The following FLG variants were observed in gnomAD, a reference collection of about 807,000 sequenced individuals.
The protein encoded by FLG is epidermal filaggrin.
A neutral mutation model predicts 3.8 loss-of-function variants in FLG; 6 were observed. The ratio of observed to expected loss-of-function variants is 1.60; its 90% CI spans 0.87 to 3.15. The LOEUF is 3.15. Among genes scored for constraint, FLG ranks in the 30% most tolerant of loss-of-function variants. The pLI is 0.00. For synonymous variants in FLG, 2,551 were observed against 1,931.6 expected (o/e 1.32, Z -8.41); for missense variants, 7,595 against 5,050.9 (o/e 1.50, Z -15.27).
At position 152,310,299 on chromosome 1, in the gene FLG, A is replaced by G; in HGVS notation, c.4587T>C (p.Asp1529=). The G allele has an allele frequency of 6.2e-7, 1 of 1,613,870 alleles. No individual in the cohort carries two copies. Among genetic ancestry groups the G allele is most frequent in the Admixed American group, 1.7e-5 (1 of 59,988 alleles). The change falls in exon 3 of 3, where the codon GAT becomes GAC. Residue 1529 remains aspartate (D), a synonymous_variant. Transcript: ENST00000368799. ...HSHTTPQGRS[D]ASHGQSGPRS... Reference sequence around the variant, plus strand: ...TGGGTCCTGACTGCCCATGGGAGGCATCAGACCTTCCCTGGGGTGTGGTGT... The same window carrying G: ...TGGGTCCTGACTGCCCATGGGAGGCGTCAGACCTTCCCTGGGGTGTGGTGT...
intron 1 of FLG, among the ~76,000 whole-genome samples, chr1:152,324,782 C>T (rs1195809363): frequency 6.6e-6 from 1 of 151,822 alleles, no homozygotes; most frequent in African/African-American, 2.4e-5. Flanking sequence ...TCTACTACAT[C>T]ACTCTTTTAT....
rs546349534 is a variant in FLG, at chr1:152,311,579, C to T, written c.3307G>A (p.Ala1103Thr). The T allele has an allele frequency of 7.2e-5, 116 of 1,613,928 alleles. No homozygotes were observed. The highest frequency in any genetic ancestry group is 3.6e-4 in the South Asian group (33 of 91,050). The change falls in exon 3 of 3, where the codon GCA becomes ACA. Residue 1103 changes from alanine (A) to threonine (T), a missense_variant. Ala to Thr is a moderately conservative substitution (Grantham distance 58). Transcript: ENST00000368799. ...GACCTTCCCCCTGACCAGTCACGTG[C>T]GGACTCTTGGTGGCTCTGCTGATGG... ...GPHQQSHQES[A>T]RDWSGGRSGR... is the part of the protein sequence containing the mutation.
chr1:152,316,026 A>G (rs755039634), intron 1 of FLG, among the ~76,000 whole-genome samples: 27 of 152,156 alleles, frequency 1.8e-4, no homozygotes, highest in Non-Finnish European at 3.5e-4. Flanking sequence ...ATAGCTCTTC[A>G]ATATTTAAAG....
At position 152,307,295 on chromosome 1, in the gene FLG, C is replaced by T. The variant is rs1481899213; in HGVS notation, c.7591G>A (p.Gly2531Arg). 12 of 1,613,550 alleles carry T rather than the reference C, an allele frequency of 7.4e-6. No homozygotes were observed. In the South Asian group the frequency reaches 1.1e-4, roughly 15 times the overall value. ...EQSGDGSRHS[G>R]SRHHEASSRA... is the part of the protein sequence containing the mutation. The stretch of plus-strand genomic sequence containing the variant: ...GAGGAAGCTTCATGGTGACGCGACC[C>T]TGAGTGCCTGGAGCCGTCTCCTGAT... Residue 2531 changes from glycine to arginine, a missense_variant, in exon 3 of 3, where the codon GGG becomes AGG. By Grantham distance (125) the Gly-to-Arg change is moderately radical. Coordinates refer to ENST00000368799, the MANE Select transcript of FLG (RefSeq NM_002016.2).
Position 152,309,248 on chromosome 1 carries a change from G to A in FLG, c.5638C>T (p.His1880Tyr), listed in dbSNP as rs149817134. Residue 1880 changes from histidine (H) to tyrosine (Y), a missense_variant, in exon 3 of 3, where the codon CAC becomes TAC. His to Tyr is a moderately conservative substitution (Grantham distance 83). Coordinates refer to ENST00000368799, the MANE Select transcript of FLG (RefSeq NM_002016.2). ...NEKQSGDGSR[H>Y]SGSRHHEASS... ...GCTTCATGGTGACGCGACCCTGAGTGCCTGGAGCCGTCTCCTGATTGTTTC... is the reference window on the plus strand; with the variant it reads ...GCTTCATGGTGACGCGACCCTGAGTACCTGGAGCCGTCTCCTGATTGTTTC... The A allele has an allele frequency of 1.9e-6, 3 of 1,613,760 alleles. No homozygotes were observed. Among genetic ancestry groups the A allele is most frequent in the East Asian group, 2.2e-5 (1 of 44,796 alleles).
Position 152,303,552 on chromosome 1 carries a change from T to C in FLG, c.11334A>G (p.Val3778=). 6.2e-7 allele frequency: 1 copy of C among 1,614,094 alleles called. No homozygotes were observed. The highest frequency in any genetic ancestry group is 8.5e-7 in the Non-Finnish European group (1 of 1,180,014). The change falls in exon 3 of 3, where the codon GTA becomes GTG. Residue 3778 remains valine (V), a synonymous_variant. Transcript: ENST00000368799. The part of the protein sequence containing the change: ...GRQGSYHEQS[V]DRSGHSGSHH... ...GGGACCCTGAGTGTCCAGACCTATCTACCGATTGCTCGTGGTAGGATCCCT... is the reference window on the plus strand; with the variant it reads ...GGGACCCTGAGTGTCCAGACCTATCCACCGATTGCTCGTGGTAGGATCCCT...
In FLG at chr1:152,303,563, C is replaced by A; in HGVS notation, c.11323G>T (p.Glu3775Ter). ...TGTCCAGACCTATCTACCGATTGCT[C>A]GTGGTAGGATCCCTGTCTTCCTCCT... ...RRGGRQGSYH[E>*]QSVDRSGHSG... The change falls in exon 3 of 3, where the codon GAG becomes TAG. Residue 3775 changes from glutamate (E) to a stop codon, truncating the protein, a stop_gained. Coordinates refer to ENST00000368799, the MANE Select transcript of FLG (RefSeq NM_002016.2). LOFTEE classifies it low-confidence loss of function (END_TRUNC). 2 of 1,614,032 alleles carry A rather than the reference C, an allele frequency of 1.2e-6. No homozygotes were observed. Among genetic ancestry groups the A allele is most frequent in the African/African-American group, 1.3e-5 (1 of 74,998 alleles).
chr1:152,312,121 A>G lies in FLG; in HGVS notation c.2765T>C (p.Ile922Thr), dbSNP rs201928359. The change falls in exon 3 of 3, where the codon ATC becomes ACC. Residue 922 changes from isoleucine to threonine, a missense_variant. By Grantham distance (89) the Ile-to-Thr change is moderately conservative. Coordinates refer to ENST00000368799, the MANE Select transcript of FLG (RefSeq NM_002016.2). ...CTGGCCTGCCTGTGAGTGTCTAGAG[A>G]TGTCGGCATGAGAGGAAGCTTCATG... ...RHHEASSHAD[I>T]SRHSQAGQGQ... 2.5e-6 allele frequency: 4 copies of G among 1,589,670 alleles called. No homozygotes were observed. The highest frequency in any genetic ancestry group is 3.4e-6 in the Non-Finnish European group (4 of 1,173,852).
Position 152,307,375 on chromosome 1 carries a change from G to C in FLG, c.7511C>G (p.Ser2504Cys), listed in dbSNP as rs1004469763. 1.2e-6 allele frequency: 2 copies of C among 1,613,072 alleles called. No individual in the cohort carries two copies. The highest frequency in any genetic ancestry group is 2.7e-5 in the African/African-American group (2 of 74,750). ...HTTSQGRSDA[S>C]HGHSGSRSAS... ...ACTTCTGGATCCTGAGTGCCCATGGGAGGCATCAGACCTTCCCTGGGATGT... is the reference window on the plus strand; with the variant it reads ...ACTTCTGGATCCTGAGTGCCCATGGCAGGCATCAGACCTTCCCTGGGATGT... The change falls in exon 3 of 3, where the codon TCC becomes TGC. Residue 2504 changes from serine (S) to cysteine (C), a missense_variant. By Grantham distance (112) the Ser-to-Cys change is moderately radical. Transcript: ENST00000368799.
At position 152,310,006 on chromosome 1, in the gene FLG, C is replaced by T. The variant is rs1190022037; in HGVS notation, c.4880G>A (p.Arg1627Lys). Reference sequence around the variant, plus strand: ...GGACCTGGGGTTCCTGGAGCCATGTCTTGACTGCTCCCGAGCAGATCCATA... The same window carrying T: ...GGACCTGGGGTTCCTGGAGCCATGTTTTGACTGCTCCCGAGCAGATCCATA... ...NHYGSAREQS[R>K]HGSRNPRSHQ... The change falls in exon 3 of 3, where the codon AGA becomes AAA. Residue 1627 changes from arginine (R) to lysine (K), a missense_variant. Transcript: ENST00000368799. 6.2e-7 allele frequency: 1 copy of T among 1,613,966 alleles called. No individual in the cohort carries two copies. The highest frequency in any genetic ancestry group is 1.7e-5 in the Admixed American group (1 of 59,998).
Position 152,307,590 on chromosome 1 carries a change from C to G in FLG, c.7296G>C (p.Gly2432=), listed in dbSNP as rs1411076627. ...EQSESAHGRT[G]TSTGGRQGSH... ...ATCCTTGTCTTCCTCCAGTGCTGGT[C>G]CCGGTCCGTCCATGGGCGGACTCAG... is the stretch of plus-strand genomic sequence containing the variant. Residue 2432 remains glycine, a synonymous_variant, in exon 3 of 3, where the codon GGG becomes GGC. Transcript: ENST00000368799. 2 of 1,613,658 alleles carry G rather than the reference C, an allele frequency of 1.2e-6. No individual in the cohort carries two copies. Among genetic ancestry groups the G allele is most frequent in the East Asian group, 4.5e-5 (2 of 44,788 alleles).
At position 152,312,646 on chromosome 1, in the gene FLG, G is replaced by T. The variant is rs755142336; in HGVS notation, c.2240C>A (p.Ala747Asp). 8 of 1,613,884 alleles carry T rather than the reference G, an allele frequency of 5.0e-6. No individual in the cohort carries two copies. Among genetic ancestry groups the T allele is most frequent in the Non-Finnish European group, 6.8e-6 (8 of 1,179,994 alleles). Residue 747 changes from alanine (A) to aspartate (D), a missense_variant, in exon 3 of 3, where the codon GCC becomes GAC. Transcript: ENST00000368799. ...SGHRGSSGSQ[A>D]TDSEGHSEDS... ...TTCTGAATGTCCCTCACTGTCAGTGGCCTGACTACCACTGGACCCTCGGTG... is the reference window on the plus strand; with the variant it reads ...TTCTGAATGTCCCTCACTGTCAGTGTCCTGACTACCACTGGACCCTCGGTG...
intron 2 of FLG, 103 bp downstream of exon 2, chr1:152,315,216 T>C (rs1459419161): frequency 1.2e-5 from 14 of 1,132,290 alleles, no homozygotes; most frequent in African/African-American, 1.6e-5. Flanking sequence ...ACTCTTTTCC[T>C]ATTTTAAGAG....
In FLG at chr1:152,307,504, G is replaced by C. The variant is rs1557874274; in HGVS notation, c.7382C>G (p.Thr2461Ser). 1 of 1,613,406 alleles carries C rather than the reference G, an allele frequency of 6.2e-7. No homozygotes were observed. The highest frequency in any genetic ancestry group is 8.5e-7 in the Non-Finnish European group (1 of 1,179,828). The change falls in exon 3 of 3, where the codon ACC (threonine) becomes AGC (serine). Residue 2461 changes from threonine (T) to serine (S), a missense_variant. Physicochemically the swap from Thr to Ser is moderately conservative, Grantham distance 58. Coordinates refer to ENST00000368799, the MANE Select transcript of FLG (RefSeq NM_002016.2). ...GCTTGACCCCGGGTGTCCATGAATGGTGTCCTGACCCTCTTGGGACGTTGA... is the reference window on the plus strand; with the variant it reads ...GCTTGACCCCGGGTGTCCATGAATGCTGTCCTGACCCTCTTGGGACGTTGA... ...RHSTSQEGQD[T>S]IHGHPGSSSG...
At chr1:152,324,945 A>G (rs1443556826) in intron 1 of FLG, among the ~76,000 whole-genome samples, 1 of 151,956 alleles carries the variant, frequency 6.6e-6, no homozygotes, top group Non-Finnish European at 1.5e-5. Flanking sequence ...TAGTTAATAC[A>G]TATTTGTTAA....
rs1365087886 is a variant in FLG at position 152,309,240 on chromosome 1, C to T, written c.5646G>A (p.Gly1882=). Residue 1882 remains glycine (G), a synonymous_variant, in exon 3 of 3, where the codon GGG becomes GGA. Coordinates refer to ENST00000368799, the MANE Select transcript of FLG (RefSeq NM_002016.2). ...KQSGDGSRHS[G]SRHHEASSRA... ...GAGAGGAAGCTTCATGGTGACGCGA[C>T]CCTGAGTGCCTGGAGCCGTCTCCTG... is the stretch of plus-strand genomic sequence containing the variant. 1 of 1,613,258 alleles carries T rather than the reference C, an allele frequency of 6.2e-7. No homozygotes were observed. Among genetic ancestry groups the T allele is most frequent in the South Asian group, 1.1e-5 (1 of 91,040 alleles).
At position 152,307,236 on chromosome 1, in the gene FLG, G is replaced by A. The variant is rs1250223861; in HGVS notation, c.7650C>T (p.Gly2550=). ...TCCTGGGCCCCTCTGATTGTCCCTGGCCCACCTGCGAGTGTCCAGAGCTGT... is the reference window on the plus strand; with the variant it reads ...TCCTGGGCCCCTCTGATTGTCCCTGACCCACCTGCGAGTGTCCAGAGCTGT... ...RADSSGHSQV[G]QGQSEGPRTS... The change falls in exon 3 of 3, where the codon GGC becomes GGT. Residue 2550 remains glycine (G), a synonymous_variant. Transcript: ENST00000368799. 3 of 1,612,696 alleles carry A rather than the reference G, an allele frequency of 1.9e-6. No individual in the cohort carries two copies. The highest frequency in any genetic ancestry group is 2.2e-5 in the East Asian group (1 of 44,782).
In FLG at chr1:152,313,248, G is replaced by A; in HGVS notation, c.1638C>T (p.His546=). 4 of 1,613,964 alleles carry A rather than the reference G, an allele frequency of 2.5e-6. No individual in the cohort carries two copies. The highest frequency in any genetic ancestry group is 2.5e-6 in the Non-Finnish European group (3 of 1,180,024). ...VNRSGHSGSH[H]SHTTSQGRSD... is the part of the protein sequence containing the mutation. ...ACCTTCCCTGGGATGTGGTGTGGCT[G>A]TGATGGGAACCTGAGTGTCCAGACC... Residue 546 remains histidine, a synonymous_variant, in exon 3 of 3, where the codon CAC becomes CAT. Transcript: ENST00000368799.
rs1354577994 is a variant in FLG at position 152,313,719 on chromosome 1, C to T, written c.1167G>A (p.Gln389=). 10 of 1,614,140 alleles carry T rather than the reference C, an allele frequency of 6.2e-6. No individual in the cohort carries two copies. The highest frequency in any genetic ancestry group is 8.5e-6 in the Non-Finnish European group (10 of 1,180,002). The stretch of plus-strand genomic sequence containing the variant: ...AGTGTCTGGAGCTGTCTGCTGACTG[C>T]TGGTGGCCGGATCCATGTCTTTCTC... The part of the protein sequence containing the change: ...SPGERHGSGH[Q]QSADSSRHSA... The change falls in exon 3 of 3, where the codon CAG becomes CAA. Residue 389 remains glutamine, a synonymous_variant. Transcript: ENST00000368799.
Sources: gnomAD v4.1 joint callset for allele counts (sites outside exome capture counted in the v4.1 genomes callset) on GRCh38, gnomAD v4.1.1 for gene constraint, MANE v1.5 for transcripts, NCBI Gene and HGNC (gene_info 2026-07-23, HGNC 2026-07-21) for gene names.